NBEAL1: variants seen among roughly 807,000 people sequenced by gnomAD.
NBEAL1 encodes the protein neurobeachin like 1, also known as neurobeachin-like protein 1.
NBEAL1 carries 273 observed loss-of-function variants against 351.3 expected under a neutral mutation model. The ratio of observed to expected loss-of-function variants is 0.78; its 90% CI spans 0.70 to 0.86. The LOEUF (loss-of-function observed/expected upper bound fraction) is 0.86, where lower values mean the gene tolerates loss of function less well. NBEAL1 is among the 40% of genes least tolerant of loss of function. NBEAL1 has a pLI of 0.00. For synonymous variants in NBEAL1, 1,050 were observed against 1,086.4 expected (o/e 0.97, Z 0.66); for missense variants, 2,961 against 3,201.3 (o/e 0.92, Z 1.81).
chr2:203,175,262 C>T lies in NBEAL1; in HGVS notation c.6439C>T (p.Leu2147Phe), dbSNP rs781159165. Residue 2147 changes from leucine to phenylalanine, a missense_variant, in exon 42 of 56, where the codon CTC becomes TTC. Coordinates refer to ENST00000683969, the MANE Select transcript of NBEAL1 (RefSeq NM_001378026.1). ...CATTCGTGTAGAACCGTTCACCACC[C>T]TCCACATCCAACTTCAGAGTGGAAG... ...YLIRVEPFTT[L>F]HIQLQSGRFD... is the part of the protein sequence containing the mutation. 6 of 1,613,648 alleles carry T rather than the reference C, an allele frequency of 3.7e-6. No individual in the cohort carries two copies. Among genetic ancestry groups the T allele is most frequent in the Non-Finnish European group, 5.1e-6 (6 of 1,179,834 alleles).
At position 203,108,066 on chromosome 2, in the gene NBEAL1, T is replaced by G; in HGVS notation, c.1827T>G (p.Ser609=). ...FNLSHSMAGI[S]VPPIQKWPGS... is the part of the protein sequence containing the mutation. ...TGTCACATAGTATGGCAGGAATTTC[T>G]GTGCCTCCCATACAGAAATGGCCAG... Residue 609 remains serine (S), a synonymous_variant, in exon 14 of 56, where the codon TCT becomes TCG. Coordinates refer to ENST00000683969, the MANE Select transcript of NBEAL1 (RefSeq NM_001378026.1). The G allele has an allele frequency of 6.4e-7, 1 of 1,552,622 alleles. No individual in the cohort carries two copies. Among genetic ancestry groups the G allele is most frequent in the Non-Finnish European group, 8.7e-7 (1 of 1,147,262 alleles).
At chr2:203,203,146 G>A (rs1282310128) in intron 51 of NBEAL1, among the ~76,000 whole-genome samples, 1 of 151,742 alleles carries the variant, frequency 6.6e-6, no homozygotes, top group Non-Finnish European at 1.5e-5. Context: ...ATTGGTCCAG[G>A]AAGTATCATT....
At chr2:203,040,618 A>G in intron 2 of NBEAL1, 1 of 676,226 alleles carries the variant, frequency 1.5e-6, no homozygotes, top group Non-Finnish European at 2.7e-6. Context: ...GACAGACAAC[A>G]CAGTGATTGA....
intron 2 of NBEAL1, among the ~76,000 whole-genome samples, chr2:203,035,656 G>C (rs371392365): frequency 6.7e-6 from 1 of 149,168 alleles, no homozygotes; most frequent in East Asian, 1.9e-4. Context: ...GAGGTAGGAA[G>C]TATTATCTTC....
intron 30 of NBEAL1, 68 bp downstream of exon 30, chr2:203,138,383 A>G: frequency 6.9e-7 from 1 of 1,453,864 alleles, no homozygotes; most frequent in Non-Finnish European, 9.4e-7. Flanking sequence ...AAAATTTTGC[A>G]CCCCCTCTTT....
chr2:203,066,903 G>T (rs1463946022), intron 6 of NBEAL1, among the ~76,000 whole-genome samples: 1 of 142,196 alleles, frequency 7.0e-6, no homozygotes, highest in Non-Finnish European at 1.5e-5. Context: ...GGGACGGCTG[G>T]GCAGAGGCGC....
intron 2 of NBEAL1, among the ~76,000 whole-genome samples, chr2:203,017,088 T>G (rs1208603611): frequency 6.6e-6 from 1 of 152,242 alleles, no homozygotes; most frequent in African/African-American, 2.4e-5. Context: ...AGAAATAATG[T>G]TCTTTCCCCT....
chr2:203,035,265 T>G (rs1240104144), intron 2 of NBEAL1, among the ~76,000 whole-genome samples: 1 of 149,298 alleles, frequency 6.7e-6, no homozygotes, highest in Admixed American at 6.7e-5. Context: ...GTGTTCAGAC[T>G]TCATCCTTTA....
At chr2:203,164,099 T>C (rs2064054447) in intron 36 of NBEAL1, among the ~76,000 whole-genome samples, 1 of 151,974 alleles carries the variant, frequency 6.6e-6, no homozygotes, top group Admixed American at 6.6e-5. Context: ...ATAAATTTAT[T>C]AATAGATTAT....
At chr2:203,018,094 T>G (rs2060709304) in intron 2 of NBEAL1, among the ~76,000 whole-genome samples, 2 of 152,154 alleles carry the variant, frequency 1.3e-5, no homozygotes, top group Admixed American at 1.3e-4. Context: ...TGCAGACACC[T>G]TGAATCAGGT....
chr2:203,208,646 C>T lies in NBEAL1; in HGVS notation c.7516C>T (p.Pro2506Ser), dbSNP rs1403579903. 6.2e-7 allele frequency: 1 copy of T among 1,606,204 alleles called. No homozygotes were observed. The highest frequency in any genetic ancestry group is 1.3e-5 in the African/African-American group (1 of 74,510). Residue 2506 changes from proline (P) to serine (S), a missense_variant, in exon 52 of 56, where the codon CCT (proline) becomes TCT (serine). By Grantham distance (74) the Pro-to-Ser change is moderately conservative. Transcript: ENST00000683969. ...TCTCTTGTATTATTAGGGAGGTGTT[C>T]CTGTGGGCTTAGCATCTAAACCTTT... ...IWQITQQGGV[P>S]VGLASKPFQI...
intron 38 of NBEAL1, among the ~76,000 whole-genome samples, chr2:203,169,413 C>T (rs1321802588): frequency 7.1e-6 from 1 of 141,382 alleles, no homozygotes; most frequent in African/African-American, 2.6e-5. Context: ...AAAAAAAAAC[C>T]ACTGAAGCCA....
At chr2:203,022,222 A>G (rs1016898390) in intron 2 of NBEAL1, among the ~76,000 whole-genome samples, 3 of 152,160 alleles carry the variant, frequency 2.0e-5, no homozygotes, top group African/African-American at 7.2e-5. Flanking sequence ...GAGCCTCTCA[A>G]AGTCTTAGAT....
intron 12 of NBEAL1, among the ~76,000 whole-genome samples, chr2:203,104,816 G>A (rs2062398229): frequency 6.6e-6 from 1 of 151,634 alleles, no homozygotes; most frequent in Admixed American, 6.6e-5. Context: ...AGCTTAGTTT[G>A]GTTGGATATG....
intron 31 of NBEAL1, among the ~76,000 whole-genome samples, chr2:203,139,826 C>G (rs140179952): frequency 0.013 from 1,940 of 151,934 alleles, 17 homozygotes; most frequent in Non-Finnish European, 0.019. Context: ...CTCAGCCTTC[C>G]AAAGTGCTGG....
intron 44 of NBEAL1, among the ~76,000 whole-genome samples, chr2:203,186,379 A>G (rs988824948): frequency 6.6e-6 from 1 of 152,250 alleles, no homozygotes; most frequent in Non-Finnish European, 1.5e-5. Context: ...CAACAGTGGT[A>G]TGAAAGGATA....
intron 51 of NBEAL1, 80 bp downstream of exon 51, chr2:203,202,861 C>G (rs1281784032): frequency 2.5e-6 from 2 of 798,808 alleles, no homozygotes; most frequent in Non-Finnish European, 4.3e-6. Context: ...ACTAGGACAT[C>G]GAATTGTTTT....
At chr2:203,144,969 CAT>C (rs1162642217) in intron 32 of NBEAL1, 40 bp from the exon 33 acceptor site, 2 of 1,502,108 alleles carry the variant, frequency 1.3e-6, no homozygotes, top group Non-Finnish European at 8.9e-7. Context: ...GAGGTGAAGT[CAT>C]ATATTAAATT....
chr2:203,113,261 G>GTT lies in NBEAL1; in HGVS notation c.2450_2451dup (p.Ile818LeufsTer13). ...ATCTCTGGAGGGTCAGCTAGGATCTGTTATCATCTTTTATGAACCACTACA... is the reference window on the plus strand; with the variant it reads ...ATCTCTGGAGGGTCAGCTAGGATCTGTTTTATCATCTTTTATGAACCACTACA... On this transcript the variant is annotated frameshift_variant, in exon 17 of 56. Coordinates refer to ENST00000683969, the MANE Select transcript of NBEAL1 (RefSeq NM_001378026.1). LOFTEE classifies it high-confidence loss of function. The GTT allele has an allele frequency of 1.3e-6, 2 of 1,490,478 alleles. No individual in the cohort carries two copies. The highest frequency in any genetic ancestry group is 1.8e-6 in the Non-Finnish European group (2 of 1,118,806). 92.3% of individuals were successfully genotyped at this position (1,490,478 alleles called of 1,614,324 possible).
Sources: allele counts gnomAD v4.1 joint callset (sites outside exome capture counted in the v4.1 genomes callset), GRCh38; gene constraint gnomAD v4.1.1; transcripts MANE v1.5; gene names NCBI Gene and HGNC (gene_info 2026-07-23, HGNC 2026-07-21).